ZP4: variants seen among roughly 807,000 people sequenced by gnomAD.
ZP4 encodes zona pellucida sperm-binding protein 4.
In ZP4, 62 loss-of-function variants were observed where a neutral mutation model predicts 62.3. The ratio of observed to expected loss-of-function variants is 0.99; its 90% CI spans 0.81 to 1.23. The LOEUF (loss-of-function observed/expected upper bound fraction) is 1.23, where lower values mean the gene tolerates loss of function less well. ZP4 is among the 50% of genes most tolerant of loss of function. The probability of loss-of-function intolerance (pLI) is 0.00; values close to 1 mark genes in which losing one functional copy is unlikely to be tolerated. For missense variants in ZP4, 774 were observed against 656.0 expected, an observed-to-expected ratio of 1.18 and a Z score of -1.97; for synonymous variants, 289 against 247.3, an observed-to-expected ratio of 1.17 and a Z score of -1.58.
chr1:237,885,107 A>G, intron 9 of ZP4, 58 bp downstream of exon 9: 1 of 1,582,800 alleles, frequency 6.3e-7, no homozygotes, highest in South Asian at 1.2e-5. Flanking sequence ...ACATGGAAAC[A>G]GTTGTAAGTT....
At position 237,886,801 on chromosome 1, in the gene ZP4, C is replaced by CG; in HGVS notation, c.808dup (p.Arg270ProfsTer7). 6.2e-7 allele frequency: 1 copy of CG among 1,614,068 alleles called. No individual in the cohort carries two copies. Among genetic ancestry groups the CG allele is most frequent in the African/African-American group, 1.3e-5 (1 of 75,030 alleles). On this transcript the variant is annotated frameshift_variant, in exon 6 of 12. Coordinates refer to ENST00000366570, the MANE Select transcript of ZP4 (RefSeq NM_021186.5). LOFTEE classifies it high-confidence loss of function. Reference sequence around the variant, plus strand: ...GATGCTGTCACGAGTGACAGAGCCACGGCTCCCATTTTTCACATCCCTAGT... The same window carrying CG: ...GATGCTGTCACGAGTGACAGAGCCACGGGCTCCCATTTTTCACATCCCTAGT...
rs1001949370 is a variant in ZP4 at position 237,890,657 on chromosome 1, C to T, written c.-22G>A. ...ACATAATGCTACCAGGAGTTCCTGC[C>T]GGCTGCAGACTCTCCGCCTCCTCTC... On this transcript the variant is annotated 5_prime_UTR_variant, in exon 1 of 12. Transcript: ENST00000366570. The T allele has an allele frequency of 1.9e-5, 30 of 1,602,998 alleles. No homozygotes were observed. The highest frequency in any genetic ancestry group is 1.0e-4 in the Admixed American group (6 of 59,148).
chr1:237,883,743 G>A (rs61832081), intron 10 of ZP4, among the ~76,000 whole-genome samples: 4,120 of 56,364 alleles, frequency 0.073, 1,158 homozygotes, highest in African/African-American at 0.26. Context: ...GAGAGAGAGG[G>A]AGAGAGAGGG....
Position 237,890,858 on chromosome 1 carries a change from G to A in ZP4, c.-223C>T, listed in dbSNP as rs1665227151. 1 of 443,716 alleles carries A rather than the reference G, an allele frequency of 2.3e-6. No homozygotes were observed. Among genetic ancestry groups the A allele is most frequent in the African/African-American group, 2.0e-5 (1 of 49,654 alleles). 27.5% of individuals were successfully genotyped at this position (443,716 alleles called of 1,614,324 possible). On this transcript the variant is annotated 5_prime_UTR_variant, in exon 1 of 12. Coordinates refer to ENST00000366570, the MANE Select transcript of ZP4 (RefSeq NM_021186.5). ...CCTCACATTAAATACCACAATCCAGGCAGACTTCAGAGCCCAAGAAAAATG... is the reference window on the plus strand; with the variant it reads ...CCTCACATTAAATACCACAATCCAGACAGACTTCAGAGCCCAAGAAAAATG...
At chr1:237,886,742 A>T in intron 6 of ZP4, 29 bp downstream of exon 6, 1 of 1,588,660 alleles carries the variant, frequency 6.3e-7, no homozygotes, top group Non-Finnish European at 8.6e-7. Context: ...CTTATGGCAG[A>T]TGGGAAGTCA....
At chr1:237,885,639 T>C (rs1665083585) in intron 7 of ZP4, 59 bp from the exon 8 acceptor site, 6 of 1,596,940 alleles carry the variant, frequency 3.8e-6, no homozygotes, top group South Asian at 2.3e-5. Flanking sequence ...TGAGGGACTG[T>C]CACCCCTTTA....
In ZP4 at chr1:237,887,441, G is replaced by A. The variant is rs1309380746; in HGVS notation, c.674C>T (p.Pro225Leu). The A allele has an allele frequency of 1.2e-6, 2 of 1,614,172 alleles. No individual in the cohort carries two copies. The highest frequency in any genetic ancestry group is 2.2e-5 in the South Asian group (2 of 91,086). The stretch of plus-strand genomic sequence containing the variant: ...AACAAAAGCTTGTGTTGCCATCACA[G>A]GGTTACACGCACTGTCATTCCTAAG... ...LALRNDSACN[P>L]VMATQAFVLF... The change falls in exon 5 of 12, where the codon CCT (proline) becomes CTT (leucine). Residue 225 changes from proline to leucine, a missense_variant. Coordinates refer to ENST00000366570, the MANE Select transcript of ZP4 (RefSeq NM_021186.5).
Position 237,889,983 on chromosome 1 carries a change from C to T in ZP4, c.298-14G>A. 2.5e-6 allele frequency: 4 copies of T among 1,614,140 alleles called. No homozygotes were observed. Among genetic ancestry groups the T allele is most frequent in the Non-Finnish European group, 3.4e-6 (4 of 1,180,026 alleles). ...GTAGTGGGAGTCCTGGAGAGACAGG[C>T]CCTTGGGGGTCAGCCTGGATGGTAG... On this transcript the variant is annotated splice_polypyrimidine_tract_variant and intron_variant, in intron 2 of 11. Transcript: ENST00000366570.
intron 5 of ZP4, 76 bp from the exon 6 acceptor site, chr1:237,886,944 T>A: frequency 1.6e-6 from 2 of 1,234,230 alleles, no homozygotes; most frequent in Admixed American, 1.7e-5. Flanking sequence ...GTCTAAGCCC[T>A]CAGCAATGCT....
At chr1:237,890,211 G>T (rs78191260) in intron 1 of ZP4, 35 bp from the exon 2 acceptor site, 1 of 1,612,606 alleles carries the variant, frequency 6.2e-7, no homozygotes, top group South Asian at 1.1e-5. Context: ...AAAACACAGC[G>T]GTCAGTCTCC....
At position 237,886,815 on chromosome 1, in the gene ZP4, C is replaced by T; in HGVS notation, c.795G>A (p.Val265=). 6.2e-7 allele frequency: 1 copy of T among 1,614,088 alleles called. No homozygotes were observed. The highest frequency in any genetic ancestry group is 8.5e-7 in the Non-Finnish European group (1 of 1,180,000). Residue 265 remains valine (V), a synonymous_variant, in exon 6 of 12, where the codon GTG becomes GTA. Coordinates refer to ENST00000366570, the MANE Select transcript of ZP4 (RefSeq NM_021186.5). ...TGACAGAGCCACGGCTCCCATTTTT[C>T]ACATCCCTAGTTGCCACCAGTTCAT... ...YENELVATRD[V]KNGSRGSVTR... is the part of the protein sequence containing the mutation.
intron 9 of ZP4, 63 bp downstream of exon 9, chr1:237,885,102 G>A: frequency 1.0e-5 from 16 of 1,579,470 alleles, no homozygotes; most frequent in Non-Finnish European, 1.4e-5. Flanking sequence ...GTAGGACATG[G>A]AAACAGTTGT....
chr1:237,885,960 C>G, intron 6 of ZP4, 74 bp from the exon 7 acceptor site: 7 of 1,582,288 alleles, frequency 4.4e-6, no homozygotes, highest in Non-Finnish European at 6.0e-6. Flanking sequence ...CTTTTTAACT[C>G]AAGGAAAGCA....
chr1:237,890,852 A>C lies in ZP4; in HGVS notation c.-217T>G. On this transcript the variant is annotated 5_prime_UTR_variant, in exon 1 of 12. Coordinates refer to ENST00000366570, the MANE Select transcript of ZP4 (RefSeq NM_021186.5). ...CAGCTGCCTCACATTAAATACCACA[A>C]TCCAGGCAGACTTCAGAGCCCAAGA... The C allele has an allele frequency of 1.5e-5, 7 of 453,626 alleles. No homozygotes were observed. Among genetic ancestry groups the C allele is most frequent in the Non-Finnish European group, 2.3e-5 (6 of 257,714 alleles). 28.1% of individuals were successfully genotyped at this position (453,626 alleles called of 1,614,324 possible).
rs751526204 is a variant in ZP4 at position 237,887,604 on chromosome 1, T to A, written c.554-43A>T. The A allele has an allele frequency of 3.2e-6, 5 of 1,572,890 alleles. No homozygotes were observed. The East Asian group carries it at 1.1e-4, about 35-fold the overall frequency. On this transcript the variant is annotated intron_variant, in intron 4 of 11. Coordinates refer to ENST00000366570, the MANE Select transcript of ZP4 (RefSeq NM_021186.5). ...TGCTGAAGGCAGGTCATCTCTCCCA[T>A]TGTGGGGAGAACCAGATGAAAGTCT...
intron 10 of ZP4, among the ~76,000 whole-genome samples, chr1:237,883,359 G>GA (rs996022464): frequency 7.9e-5 from 12 of 151,388 alleles, no homozygotes; most frequent in African/African-American, 2.9e-4. Context: ...GGACAGTGAG[G>GA]AAAAAAAGCT....
rs781695193 is a variant in ZP4 at position 237,885,800 on chromosome 1, T to G, written c.926A>C (p.Glu309Ala). The change falls in exon 7 of 12, where the codon GAG (glutamate) becomes GCG (alanine). Residue 309 changes from glutamate to alanine, a missense_variant. By Grantham distance (107) the Glu-to-Ala change is moderately radical. Coordinates refer to ENST00000366570, the MANE Select transcript of ZP4 (RefSeq NM_021186.5). ...QVFTLPPPFP[E>A]TQPGPLTLEL... ...CAGAGTGAGGGGTCCAGGCTGGGTC[T>G]CAGGAAAGGGTGGTGGGAGAGTGAA... 1.2e-6 allele frequency: 2 copies of G among 1,614,142 alleles called. No individual in the cohort carries two copies. The highest frequency in any genetic ancestry group is 2.2e-5 in the East Asian group (1 of 44,870).
rs765978549 is a variant in ZP4, at chr1:237,888,411, A to T, written c.500T>A (p.Leu167Gln). 23 of 1,611,036 alleles carry T rather than the reference A, an allele frequency of 1.4e-5. No individual in the cohort carries two copies. The South Asian group carries it at 2.4e-4, about 17-fold the overall frequency. The change falls in exon 4 of 12, where the codon CTA becomes CAA. Residue 167 changes from leucine (L) to glutamine (Q), a missense_variant. Transcript: ENST00000366570. ...SPISRGDCEGLGCCYSSEEVN... is the reference protein window; with the variant it reads ...SPISRGDCEGQGCCYSSEEVN... The stretch of plus-strand genomic sequence containing the variant: ...CTCTTCAGAGCTATAACAACAGCCT[A>T]GCCCTTCACAGTCTCCTCGAGAGAT...
At chr1:237,887,623 A>G (rs1665137259) in intron 4 of ZP4, 62 bp from the exon 5 acceptor site, 1 of 1,533,324 alleles carries the variant, frequency 6.5e-7, no homozygotes, top group Non-Finnish European at 8.8e-7. Flanking sequence ...GAACCAGATG[A>G]AAGTCTAACC....
Sources: gnomAD v4.1 joint callset for allele counts (sites outside exome capture counted in the v4.1 genomes callset) on GRCh38, gnomAD v4.1.1 for gene constraint, MANE v1.5 for transcripts, NCBI Gene and HGNC (gene_info 2026-07-23, HGNC 2026-07-21) for gene names.